Variants in PRKG1 observed in about 807,000 individuals in gnomAD.
PRKG1 encodes cGMP-dependent protein kinase 1.
A neutral mutation model predicts 88.1 loss-of-function variants in PRKG1; 35 were observed. That is an observed-to-expected ratio of 0.40 (90% confidence interval 0.30 to 0.53). The LOEUF (loss-of-function observed/expected upper bound fraction) is 0.53. Among genes scored for constraint, PRKG1 ranks in the 20% least tolerant of loss-of-function variants. The pLI, the probability that PRKG1 is intolerant of heterozygous loss-of-function variation, is 0.59. For missense variants in PRKG1, 540 were observed against 839.8 expected, an observed-to-expected ratio of 0.64 and a Z score of 4.41; for synonymous variants, 303 against 292.5, an observed-to-expected ratio of 1.04 and a Z score of -0.37.
At chr10:51,914,345 A>C (rs1842291468) in intron 5 of PRKG1, among the ~76,000 whole-genome samples, 1 of 152,186 alleles carries the variant, frequency 6.6e-6, no homozygotes, top group African/African-American at 2.4e-5. Context: ...CACAAAAAGC[A>C]CTTAAAAGTC....
intron 5 of PRKG1, among the ~76,000 whole-genome samples, chr10:52,015,989 A>G (rs983856282): frequency 6.6e-6 from 1 of 152,244 alleles, no homozygotes; most frequent in Non-Finnish European, 1.5e-5. Context: ...GGTCAAAACC[A>G]TTAAACAAAT....
At chr10:51,416,346 A>G (rs2132697806) in intron 2 of PRKG1, among the ~76,000 whole-genome samples, 1 of 152,312 alleles carries the variant, frequency 6.6e-6, no homozygotes, top group East Asian at 1.9e-4. Context: ...CCTAATTTAA[A>G]GTGGAACATT....
At chr10:51,989,057 T>C (rs1425446354) in intron 5 of PRKG1, among the ~76,000 whole-genome samples, 6 of 152,130 alleles carry the variant, frequency 3.9e-5, no homozygotes, top group Admixed American at 3.9e-4. Context: ...TTGATCCACA[T>C]ACAGCTAGAG....
At chr10:51,726,343 G>A (rs959126425) in intron 3 of PRKG1, among the ~76,000 whole-genome samples, 10 of 152,188 alleles carry the variant, frequency 6.6e-5, no homozygotes, top group African/African-American at 2.4e-4. Flanking sequence ...CTTTGCAAAA[G>A]AGTGTTATCA....
intron 1 of PRKG1, among the ~76,000 whole-genome samples, chr10:51,118,400 A>G (rs7897940): frequency 0.8 from 120,961 of 151,860 alleles, 48,753 homozygotes; most frequent in South Asian, 0.88. Context: ...CTCTTTAAAA[A>G]AGACAGTTAA....
At chr10:51,194,178 G>A (rs1253276141) in intron 2 of PRKG1, among the ~76,000 whole-genome samples, 1 of 150,810 alleles carries the variant, frequency 6.6e-6, no homozygotes, top group Non-Finnish European at 1.5e-5. Context: ...AAAATATGGT[G>A]TATTTTGGCA....
At chr10:51,407,454 T>C (rs1283121757) in intron 2 of PRKG1, among the ~76,000 whole-genome samples, 1 of 152,176 alleles carries the variant, frequency 6.6e-6, no homozygotes, top group African/African-American at 2.4e-5. Flanking sequence ...AGAAAAGAAA[T>C]AAAATGAAGA....
At chr10:51,977,563 T>C (rs1843878334) in intron 5 of PRKG1, among the ~76,000 whole-genome samples, 1 of 152,142 alleles carries the variant, frequency 6.6e-6, no homozygotes, top group South Asian at 2.1e-4. Context: ...ATACAATAGT[T>C]GAATTAATTT....
At chr10:51,000,884 G>C (rs1842882131) in intron 1 of PRKG1, among the ~76,000 whole-genome samples, 1 of 152,004 alleles carries the variant, frequency 6.6e-6, no homozygotes, top group Non-Finnish European at 1.5e-5. Context: ...TTGTGTTTTT[G>C]CTCCCCACTG....
chr10:51,677,304 T>G (rs1452731141), intron 3 of PRKG1, among the ~76,000 whole-genome samples: 1 of 152,224 alleles, frequency 6.6e-6, no homozygotes, highest in African/African-American at 2.4e-5. Context: ...TGTATTGTTA[T>G]GGACACTTTT....
chr10:51,303,803 A>G (rs997584349), intron 2 of PRKG1, among the ~76,000 whole-genome samples: 2 of 151,406 alleles, frequency 1.3e-5, no homozygotes, highest in African/African-American at 4.9e-5. Flanking sequence ...AACTATATCT[A>G]TATATATATA....
intron 2 of PRKG1, among the ~76,000 whole-genome samples, chr10:51,276,923 C>A (rs557184366): frequency 3.9e-5 from 6 of 152,178 alleles, no homozygotes; most frequent in Non-Finnish European, 8.8e-5. Flanking sequence ...CCTGTTCACT[C>A]TGATGGTAGT....
At chr10:51,017,808 T>C (rs1843088199) in intron 1 of PRKG1, among the ~76,000 whole-genome samples, 1 of 151,838 alleles carries the variant, frequency 6.6e-6, no homozygotes, top group Admixed American at 6.6e-5. Flanking sequence ...TTTATTTATT[T>C]AATTTTTTTG....
At chr10:51,307,619 T>C (rs1841071293) in intron 2 of PRKG1, among the ~76,000 whole-genome samples, 1 of 152,198 alleles carries the variant, frequency 6.6e-6, no homozygotes, top group Admixed American at 6.5e-5. Flanking sequence ...TTTAAATATG[T>C]AAAGTAGAGG....
chr10:52,038,547 T>A (rs2133225047), intron 5 of PRKG1, among the ~76,000 whole-genome samples: 1 of 151,682 alleles, frequency 6.6e-6, no homozygotes, highest in Middle Eastern at 3.4e-3. Flanking sequence ...GACTTGCCGC[T>A]AAGAGTGAAG....
chr10:51,748,887 C>CGGA (rs1837647291), intron 3 of PRKG1, among the ~76,000 whole-genome samples: 1 of 152,106 alleles, frequency 6.6e-6, no homozygotes, highest in Admixed American at 6.5e-5. Context: ...TGAACATTCT[C>CGGA]GTAAGTTTAT....
intron 5 of PRKG1, among the ~76,000 whole-genome samples, chr10:51,945,572 A>C (rs1240564579): frequency 1.3e-5 from 2 of 151,958 alleles, no homozygotes; most frequent in East Asian, 1.9e-4. Context: ...ACAATTTGGC[A>C]TGATTTTGCA....
chr10:51,972,967 C>G (rs1476015743), intron 5 of PRKG1, among the ~76,000 whole-genome samples: 2 of 152,096 alleles, frequency 1.3e-5, no homozygotes, highest in Non-Finnish European at 2.9e-5. Flanking sequence ...AGTCACTGAT[C>G]TGGTCAGACT....
At chr10:52,046,153 T>C (rs1439839484) in intron 5 of PRKG1, among the ~76,000 whole-genome samples, 1 of 152,126 alleles carries the variant, frequency 6.6e-6, no homozygotes, top group Non-Finnish European at 1.5e-5. Flanking sequence ...GACATTAAAC[T>C]TTAGATTGTT....
Sources: allele counts gnomAD v4.1 joint callset (sites outside exome capture counted in the v4.1 genomes callset), GRCh38; gene constraint gnomAD v4.1.1; transcripts MANE v1.5; gene names NCBI Gene and HGNC (gene_info 2026-07-23, HGNC 2026-07-21).